Variants in MTMR12 observed in about 807,000 individuals in gnomAD.
MTMR12 encodes the protein myotubularin-related protein 12.
MTMR12 carries 33 observed loss-of-function variants against 96.7 expected under a neutral mutation model. The observed-to-expected ratio is 0.34, with a 90% confidence interval of 0.26 to 0.46. The LOEUF is 0.46. Ranked by LOEUF, MTMR12 falls within the 20% of genes least tolerant of loss-of-function variation. The pLI, the probability that MTMR12 is intolerant of heterozygous loss-of-function variation, is 1.00. For synonymous variants in MTMR12, 298 were observed against 327.2 expected, an observed-to-expected ratio of 0.91 and a Z score of 0.96; for missense variants, 721 against 896.1, an observed-to-expected ratio of 0.80 and a Z score of 2.49.
At chr5:32,288,026 G>A (rs914502338) in intron 1 of MTMR12, among the ~76,000 whole-genome samples, 3 of 152,148 alleles carry the variant, frequency 2.0e-5, no homozygotes, top group Admixed American at 6.5e-5. Flanking sequence ...TCCTGAGTGA[G>A]AGTCTTATCT....
At chr5:32,255,624 A>G in intron 8 of MTMR12, 69 bp downstream of exon 8, 2 of 1,381,122 alleles carry the variant, frequency 1.4e-6, no homozygotes, top group South Asian at 1.4e-5. Flanking sequence ...AAGGGCTTTC[A>G]GTAGGATCAT....
chr5:32,282,993 G>A (rs1750365751), intron 1 of MTMR12, among the ~76,000 whole-genome samples: 1 of 152,204 alleles, frequency 6.6e-6, no homozygotes, highest in South Asian at 2.1e-4. Flanking sequence ...GAGAGCAGAG[G>A]TGGATACCAA....
At chr5:32,306,571 A>ATT in intron 1 of MTMR12, among the ~76,000 whole-genome samples, 1 of 152,044 alleles carries the variant, frequency 6.6e-6, no homozygotes, top group Admixed American at 6.6e-5. Flanking sequence ...ATATATATAT[A>ATT]TTTTTTACTC....
At chr5:32,235,639 G>A (rs1422313682) in intron 13 of MTMR12, among the ~76,000 whole-genome samples, 3 of 152,224 alleles carry the variant, frequency 2.0e-5, no homozygotes, top group Non-Finnish European at 2.9e-5. Flanking sequence ...AACGTGGAAG[G>A]AGAAGCCTCC....
rs112586475 is a variant in MTMR12, at chr5:32,275,862, T to G, written c.142+820A>C. ...AAAAACATCAAAAAAAGTTATAGAATTCTTTTACCAAATAACGTGGATCAG... is the reference window on the plus strand; with the variant it reads ...AAAAACATCAAAAAAAGTTATAGAAGTCTTTTACCAAATAACGTGGATCAG... On this transcript the variant is annotated intron_variant, in intron 2 of 15. Transcript: ENST00000382142. 3.7e-3 allele frequency among the ~76,000 whole-genome samples: 571 copies of G among 152,340 alleles called. 3 individuals carry two copies. The highest frequency in any genetic ancestry group is 0.013 in the African/African-American group (555 of 41,576).
At chr5:32,262,743 G>A (rs758545267) in intron 7 of MTMR12, among the ~76,000 whole-genome samples, 2 of 152,088 alleles carry the variant, frequency 1.3e-5, no homozygotes, top group Non-Finnish European at 2.9e-5. Context: ...AACATTACTT[G>A]GCAATAAAAA....
At chr5:32,271,948 T>C in intron 3 of MTMR12, 43 bp from the exon 4 acceptor site, 2 of 1,189,406 alleles carry the variant, frequency 1.7e-6, no homozygotes, top group Non-Finnish European at 2.4e-6. Context: ...CTCTGCATAC[T>C]GTTAGACATT....
chr5:32,231,837 C>A (rs1748008827), intron 15 of MTMR12, among the ~76,000 whole-genome samples: 1 of 152,196 alleles, frequency 6.6e-6, no homozygotes, highest in South Asian at 2.1e-4. Context: ...CCCAGTGCTT[C>A]CTGCCTGCTC....
intron 15 of MTMR12, 41 bp from the exon 16 acceptor site, chr5:32,230,388 A>G (rs758741195): frequency 2.0e-6 from 3 of 1,519,890 alleles, no homozygotes. Flanking sequence ...GGTTAACATA[A>G]CAGGCACAGT....
intron 1 of MTMR12, among the ~76,000 whole-genome samples, chr5:32,284,258 C>G (rs1158410409): frequency 7.2e-6 from 1 of 138,954 alleles, no homozygotes; most frequent in Admixed American, 7.8e-5. Context: ...GTCAAGGCTG[C>G]AGTGAGCTAT....
intron 9 of MTMR12, among the ~76,000 whole-genome samples, chr5:32,248,496 T>C (rs961368516): frequency 6.6e-6 from 1 of 152,200 alleles, no homozygotes; most frequent in Non-Finnish European, 1.5e-5. Flanking sequence ...ACATGTACCA[T>C]GACCTAAATT....
intron 2 of MTMR12, 31 bp from the exon 3 acceptor site, chr5:32,274,153 A>C (rs76849027): frequency 0.039 from 63,329 of 1,610,398 alleles, 1,433 homozygotes; most frequent in Non-Finnish European, 0.047. Flanking sequence ...TCCTCCTTAG[A>C]GTTCTCAGGG....
rs1192205514 is a variant in MTMR12 at position 32,229,724 on chromosome 5, G to A, written c.*54C>T. On this transcript the variant is annotated 3_prime_UTR_variant, in exon 16 of 16. Coordinates refer to ENST00000382142, the MANE Select transcript of MTMR12 (RefSeq NM_001040446.3). ...AGCTGTAGCGTGACACAAATCCAGG[G>A]ATCAGCTGTCCCAATCTCCCACATT... The A allele has an allele frequency of 1.4e-6, 2 of 1,466,660 alleles. No homozygotes were observed. Among genetic ancestry groups the A allele is most frequent in the Non-Finnish European group, 1.8e-6 (2 of 1,103,438 alleles). 90.9% of individuals were successfully genotyped at this position (1,466,660 alleles called of 1,614,324 possible).
intron 7 of MTMR12, among the ~76,000 whole-genome samples, chr5:32,258,902 C>CA (rs5867141): frequency 0.02 from 1,792 of 90,428 alleles, 21 homozygotes; most frequent in East Asian, 0.06. Flanking sequence ...TGGTCTTTCA[C>CA]AAAAAAAAAA....
At chr5:32,310,115 G>A (rs1016324448) in intron 1 of MTMR12, among the ~76,000 whole-genome samples, 1 of 152,154 alleles carries the variant, frequency 6.6e-6, no homozygotes, top group Non-Finnish European at 1.5e-5. Flanking sequence ...AGGAGTTTGA[G>A]AGCAGCCTGG....
chr5:32,228,616 TG>T lies in MTMR12; in HGVS notation c.*1161del, dbSNP rs1331414825. 1.1e-4 allele frequency: 14 copies of T among 123,740 alleles called. No homozygotes were observed. Among genetic ancestry groups the T allele is most frequent in the South Asian group, 7.3e-4 (3 of 4,100 alleles). The allele number at this position is 123,740 out of a possible 1,614,324, so 7.7% of individuals were successfully genotyped here. On this transcript the variant is annotated 3_prime_UTR_variant, in exon 16 of 16. Transcript: ENST00000382142. Reference sequence around the variant, plus strand: ...GATATATATATATATATCATATATATGATATATATATATCACATATATATCA... The same window carrying T: ...GATATATATATATATATCATATATATATATATATATATCACATATATATCA...
chr5:32,293,556 T>C (rs546883982), intron 1 of MTMR12, among the ~76,000 whole-genome samples: 5 of 152,220 alleles, frequency 3.3e-5, no homozygotes, highest in African/African-American at 1.2e-4. Context: ...ACTCCAGATA[T>C]ATATAGGAGA....
At chr5:32,281,889 G>T (rs1187218601) in intron 1 of MTMR12, among the ~76,000 whole-genome samples, 2 of 142,246 alleles carry the variant, frequency 1.4e-5, no homozygotes, top group African/African-American at 2.6e-5. Context: ...GACAGTGCGA[G>T]ACTCCGTCTC....
chr5:32,246,173 T>TTTTTTTTTG (rs1561751693), intron 10 of MTMR12, among the ~76,000 whole-genome samples: 1 of 144,266 alleles, frequency 6.9e-6, no homozygotes, highest in African/African-American at 2.5e-5. Context: ...GTAGACAGTT[T>TTTTTTTTTG]TTTTTTTTTT....
Sources: gnomAD v4.1 joint callset for allele counts (sites outside exome capture counted in the v4.1 genomes callset) on GRCh38, gnomAD v4.1.1 for gene constraint, MANE v1.5 for transcripts, NCBI Gene and HGNC (gene_info 2026-07-23, HGNC 2026-07-21) for gene names.